Variants in RYR2 observed in about 807,000 individuals in gnomAD.
RYR2 encodes cardiac muscle ryanodine receptor-calcium release channel.
A neutral mutation model predicts 601.1 loss-of-function variants in RYR2; 227 were observed. That is an observed-to-expected ratio of 0.38 (90% CI 0.34 to 0.42). The LOEUF (loss-of-function observed/expected upper bound fraction) is 0.42, where lower values mean the gene tolerates loss of function less well. Among genes scored for constraint, RYR2 ranks in the 10% least tolerant of loss-of-function variants. RYR2 has a pLI of 1.00. For synonymous variants in RYR2, 2,223 were observed against 2,175.1 expected (o/e 1.02, Z -0.61); for missense variants, 4,646 against 6,156.5 (o/e 0.75, Z 8.21).
chr1:237,234,812 A>T (rs116151739), intron 1 of RYR2, among the ~76,000 whole-genome samples: 1 of 151,830 alleles, frequency 6.6e-6, no homozygotes, highest in Non-Finnish European at 1.5e-5. Context: ...TTTTCCAAGG[A>T]TTTCAGTAAA....
At chr1:237,642,807 G>A (rs561440577) in intron 47 of RYR2, among the ~76,000 whole-genome samples, 1 of 152,262 alleles carries the variant, frequency 6.6e-6, no homozygotes, top group South Asian at 2.1e-4. Flanking sequence ...ATTTATGTTC[G>A]TCATTTCCTC....
At chr1:237,726,334 A>T (rs774520066) in intron 75 of RYR2, 26 bp downstream of exon 75, 6 of 1,468,774 alleles carry the variant, frequency 4.1e-6, no homozygotes, top group Non-Finnish European at 5.7e-6. Context: ...AATGGCCTAG[A>T]GATTACTAAT....
chr1:237,385,988 T>C lies in RYR2; in HGVS notation c.577-1293T>C, dbSNP rs78116792. On this transcript the variant is annotated intron_variant, in intron 8 of 104. Transcript: ENST00000366574. ...TGGGATATGATTTATTTGTAAACAA[T>C]TAAACAGTTTTAACATACTGGAGAA... 7.0e-3 allele frequency among the ~76,000 whole-genome samples: 1,068 copies of C among 152,284 alleles called. 9 individuals carry two copies. Among genetic ancestry groups the C allele is most frequent in the Admixed American group, 0.011 (175 of 15,300 alleles).
At chr1:237,327,277 G>T (rs1696261783) in intron 2 of RYR2, among the ~76,000 whole-genome samples, 1 of 152,072 alleles carries the variant, frequency 6.6e-6, no homozygotes, top group Admixed American at 6.5e-5. Context: ...AAGACACAGG[G>T]AATTGCCTTT....
intron 80 of RYR2, among the ~76,000 whole-genome samples, chr1:237,749,752 C>A (rs1224256129): frequency 6.6e-6 from 1 of 152,122 alleles, no homozygotes; most frequent in African/African-American, 2.4e-5. Context: ...TTGATGAAAG[C>A]ATGCAAGTTT....
At chr1:237,257,521 T>C (rs1484433303) in intron 1 of RYR2, among the ~76,000 whole-genome samples, 1 of 152,192 alleles carries the variant, frequency 6.6e-6, no homozygotes, top group Non-Finnish European at 1.5e-5. Context: ...GTAGCTTCTT[T>C]CCCTTTTAAA....
At chr1:237,623,058 A>G (rs1053988610) in intron 38 of RYR2, among the ~76,000 whole-genome samples, 3 of 152,242 alleles carry the variant, frequency 2.0e-5, no homozygotes, top group African/African-American at 4.8e-5. Context: ...ATGAATGTTC[A>G]ATAGAGATGT....
chr1:237,723,080 T>C, intron 73 of RYR2, 48 bp from the exon 74 acceptor site: 1 of 1,544,916 alleles, frequency 6.5e-7, no homozygotes. Context: ...TGTAACCTTG[T>C]TTTTAGATTC....
chr1:237,090,161 C>A (rs1210339280), intron 1 of RYR2, among the ~76,000 whole-genome samples: 3 of 152,160 alleles, frequency 2.0e-5, no homozygotes, highest in Non-Finnish European at 4.4e-5. Flanking sequence ...CAATTACCTC[C>A]CACTGGATCC....
intron 1 of RYR2, among the ~76,000 whole-genome samples, chr1:237,208,950 A>ATATATATGTG (rs1682152804): frequency 1.7e-5 from 1 of 57,474 alleles, no homozygotes; most frequent in Admixed American, 1.8e-4. Context: ...ATATATATAT[A>ATATATATGTG]TATATATATA....
chr1:237,792,263 C>G lies in RYR2; in HGVS notation c.13722C>G (p.Ile4574Met). 1.2e-6 allele frequency: 2 copies of G among 1,613,734 alleles called. No homozygotes were observed. The highest frequency in any genetic ancestry group is 1.1e-5 in the South Asian group (1 of 91,076). ...GCTACATGGAGCCCACGTTGCGTAT[C>G]TTAGCTATTCTGCACACGGTCATTT... ...SSGYMEPTLR[I>M]LAILHTVISF... The change falls in exon 94 of 105, where the codon ATC (isoleucine) becomes ATG (methionine). Residue 4574 changes from isoleucine (I) to methionine (M), a missense_variant. Physicochemically the swap from Ile to Met is conservative, Grantham distance 10 (BLOSUM62 1). Coordinates refer to ENST00000366574, the MANE Select transcript of RYR2 (RefSeq NM_001035.3).
intron 1 of RYR2, among the ~76,000 whole-genome samples, chr1:237,137,637 G>A (rs1672936191): frequency 6.6e-6 from 1 of 152,230 alleles, no homozygotes; most frequent in South Asian, 2.1e-4. Flanking sequence ...TATCTGTACA[G>A]ATAAGATGTG....
intron 2 of RYR2, among the ~76,000 whole-genome samples, chr1:237,328,360 T>C (rs1380419750): frequency 6.6e-6 from 1 of 152,226 alleles, no homozygotes; most frequent in African/African-American, 2.4e-5. Context: ...TTTAAGAGTA[T>C]GTATTCCTAA....
chr1:237,777,951 C>CTAGT lies in RYR2; in HGVS notation c.11776-711_11776-708dup, dbSNP rs370022851. ...TGGCAGTTTCTGACTGGTGAACTCT[C>CTAGT]TAGTTAGAAGTTAGCTGGCAGTTTC... is the stretch of plus-strand genomic sequence containing the variant. On this transcript the variant is annotated intron_variant, in intron 87 of 104. Transcript: ENST00000366574. Among the ~76,000 whole-genome samples the CTAGT allele has an allele frequency of 4.6e-5, 7 of 152,238 alleles. 1 individual carries two copies. The highest frequency in any genetic ancestry group is 1.4e-4 in the African/African-American group (6 of 41,546).
At chr1:237,095,016 A>G (rs1379267667) in intron 1 of RYR2, among the ~76,000 whole-genome samples, 1 of 152,182 alleles carries the variant, frequency 6.6e-6, no homozygotes, top group African/African-American at 2.4e-5. Flanking sequence ...AACTTTATAG[A>G]TGGGACTGAA....
At chr1:237,278,245 ATTTTT>A (rs71561863) in intron 2 of RYR2, among the ~76,000 whole-genome samples, 15 of 67,018 alleles carry the variant, frequency 2.2e-4, no homozygotes, top group African/African-American at 6.7e-4. Context: ...TAATTTTTGT[ATTTTT>A]TTTTTTTTTT....
intron 2 of RYR2, among the ~76,000 whole-genome samples, chr1:237,276,103 A>G (rs1690257169): frequency 6.6e-6 from 1 of 152,086 alleles, no homozygotes; most frequent in Non-Finnish European, 1.5e-5. Flanking sequence ...TTCGTATTTT[A>G]TTTTATTTTT....
chr1:237,325,468 C>T (rs987323225), intron 2 of RYR2, among the ~76,000 whole-genome samples: 6 of 152,144 alleles, frequency 3.9e-5, no homozygotes, highest in African/African-American at 1.4e-4. Context: ...GCAGGCGGAT[C>T]ATGAGGTCAG....
intron 10 of RYR2, among the ~76,000 whole-genome samples, chr1:237,397,968 G>A (rs571651469): frequency 2.6e-5 from 4 of 152,010 alleles, no homozygotes; most frequent in South Asian, 2.1e-4. Context: ...TGATCCACCC[G>A]CCTCGGCCTC....
Sources: allele counts gnomAD v4.1 joint callset (sites outside exome capture counted in the v4.1 genomes callset), GRCh38; gene constraint gnomAD v4.1.1; transcripts MANE v1.5; gene names NCBI Gene and HGNC (gene_info 2026-07-23, HGNC 2026-07-21).